The following IRGM variants were observed in gnomAD, a reference collection of about 807,000 sequenced individuals.
IRGM encodes immunity-related GTPase family M protein.
For missense variants in IRGM, 288 were observed against 219.9 expected (o/e 1.31, Z -1.96); for synonymous variants, 98 against 80.6 (o/e 1.22, Z -1.16).
At chr5:150,881,613 T>G (rs1410441515) in intron 3 of IRGM, among the ~76,000 whole-genome samples, 1 of 152,196 alleles carries the variant, frequency 6.6e-6, no homozygotes, top group Non-Finnish European at 1.5e-5. Flanking sequence ...GTGAATCACC[T>G]ATATCTTTAG....
intron 1 of IRGM, among the ~76,000 whole-genome samples, chr5:150,875,762 A>G (rs2113281879): frequency 6.6e-6 from 1 of 152,264 alleles, no homozygotes; most frequent in East Asian, 1.9e-4. Flanking sequence ...TGAGTGCCCA[A>G]TTTGCCAGCA....
chr5:150,849,599 T>C (rs1258235878), downstream of IRGM, among the ~76,000 whole-genome samples: 7 of 125,486 alleles, frequency 5.6e-5, no homozygotes, highest in East Asian at 1.3e-3. Flanking sequence ...ATTTTTCTTT[T>C]TCTCTCTTTT....
chr5:150,879,133 A>G (rs760321582), intron 2 of IRGM, among the ~76,000 whole-genome samples: 19 of 152,212 alleles, frequency 1.2e-4, no homozygotes, highest in Non-Finnish European at 2.5e-4. Context: ...GGTAGCTGAG[A>G]TGGATGTCAG....
intron 3 of IRGM, among the ~76,000 whole-genome samples, chr5:150,889,246 C>A (rs975315517): frequency 6.6e-6 from 1 of 151,986 alleles, no homozygotes; most frequent in Non-Finnish European, 1.5e-5. Flanking sequence ...TTAATGGACT[C>A]ACAGTTCCAC....
At chr5:150,885,191 C>A (rs111793005) in intron 3 of IRGM, among the ~76,000 whole-genome samples, 31,775 of 151,758 alleles carry the variant, frequency 0.21, 5,371 homozygotes, top group African/African-American at 0.45. Context: ...TTTCCCATTG[C>A]TTTTGTCAGC....
At chr5:150,893,749 TATAA>T (rs1754658051) in intron 3 of IRGM, among the ~76,000 whole-genome samples, 2 of 152,264 alleles carry the variant, frequency 1.3e-5, no homozygotes, top group Middle Eastern at 6.8e-3. Flanking sequence ...TTCAGTTCCA[TATAA>T]ATAGAGCTAA....
chr5:150,895,647 GAGA>G lies in IRGM; in HGVS notation c.*141-4939_*141-4937del, dbSNP rs1316424418. On this transcript the variant is annotated intron_variant and NMD_transcript_variant, in intron 3 of 3. Coordinates refer to the IRGM transcript ENST00000520549. ...GTGTCCCGGAAGGTGGGACTTCTGAGAGAAGGCTTTCCCACATTCAGTACATAT... is the reference window on the plus strand; with the variant it reads ...GTGTCCCGGAAGGTGGGACTTCTGAGAGGCTTTCCCACATTCAGTACATAT... The G allele has an allele frequency of 1.9e-6, 3 of 1,613,012 alleles. No homozygotes were observed. The Admixed American group carries it at 5.0e-5, about 27-fold the overall frequency.
Position 150,887,108 on chromosome 5 carries a change from A to C in IRGM, c.*140+7462A>C, listed in dbSNP as rs148584844. Among the ~76,000 whole-genome samples, 1,236 of 152,156 alleles carry C rather than the reference A, an allele frequency of 8.1e-3. 6 individuals are homozygous for C. Among genetic ancestry groups the C allele is most frequent in the Non-Finnish European group, 0.013 (867 of 67,948 alleles). On this transcript the variant is annotated intron_variant and NMD_transcript_variant, in intron 3 of 3. Transcript: ENST00000520549. Reference sequence around the variant, plus strand: ...ATTAGGTTGAGCTGGCTGAAATGACAGAAATGCAATTCAGAATATGGACAG... The same window carrying C: ...ATTAGGTTGAGCTGGCTGAAATGACCGAAATGCAATTCAGAATATGGACAG...
intron 3 of IRGM, chr5:150,896,266 A>C (rs1237644506): frequency 6.2e-7 from 1 of 1,613,760 alleles, no homozygotes; most frequent in Non-Finnish European, 8.5e-7. Context: ...GAACAATCAT[A>C]AGGTTTCTCC....
downstream of IRGM, among the ~76,000 whole-genome samples, chr5:150,851,973 T>G (rs1402745042): frequency 6.6e-6 from 1 of 152,200 alleles, no homozygotes; most frequent in Non-Finnish European, 1.5e-5. Flanking sequence ...ACATGATACA[T>G]ACAGTAACAT....
At chr5:150,882,868 G>A (rs1178730502) in intron 3 of IRGM, among the ~76,000 whole-genome samples, 1 of 152,056 alleles carries the variant, frequency 6.6e-6, no homozygotes, top group East Asian at 1.9e-4. Context: ...AGACCAAAGG[G>A]ACCTAACAGA....
chr5:150,858,438 A>G (rs1220052764), intron 1 of IRGM, among the ~76,000 whole-genome samples: 1 of 152,158 alleles, frequency 6.6e-6, no homozygotes, highest in Non-Finnish European at 1.5e-5. Flanking sequence ...TGAACTTTAA[A>G]GTAGTTTTTT....
intron 1 of IRGM, among the ~76,000 whole-genome samples, chr5:150,875,622 C>T (rs10061104): frequency 0.032 from 4,826 of 152,210 alleles, 239 homozygotes; most frequent in African/African-American, 0.11. Flanking sequence ...CAGCCTCTAT[C>T]CCCAGCCACC....
In IRGM at chr5:150,870,247, C is replaced by T. The variant is rs141956790; in HGVS notation, c.159-7733C>T. Among the ~76,000 whole-genome samples, 144 of 152,202 alleles carry T rather than the reference C, an allele frequency of 9.5e-4. 1 individual carries two copies. The highest frequency in any genetic ancestry group is 3.3e-3 in the African/African-American group (138 of 41,536). ...ACAACACATAGGTGCACATCCCTAACCTCGGCAAAATAAACTTTCTAAATT... is the reference window on the plus strand; with the variant it reads ...ACAACACATAGGTGCACATCCCTAATCTCGGCAAAATAAACTTTCTAAATT... On this transcript the variant is annotated intron_variant and NMD_transcript_variant, in intron 1 of 3. Coordinates refer to the IRGM transcript ENST00000520549.
chr5:150,895,684 T>G, intron 3 of IRGM: 2 of 1,613,528 alleles, frequency 1.2e-6, no homozygotes, highest in Non-Finnish European at 8.5e-7. Flanking sequence ...ATATAAGGTT[T>G]TTCTCCTGTG....
chr5:150,884,509 A>G (rs983522707), intron 3 of IRGM, among the ~76,000 whole-genome samples: 2 of 152,152 alleles, frequency 1.3e-5, no homozygotes, highest in Admixed American at 6.6e-5. Context: ...GCTTTCCACA[A>G]TAGTTGAACT....
chr5:150,880,651 G>A (rs988032886), intron 3 of IRGM, among the ~76,000 whole-genome samples: 1 of 152,110 alleles, frequency 6.6e-6, no homozygotes, highest in African/African-American at 2.4e-5. Context: ...GTTGTCCAGA[G>A]TATACCTTCT....
intron 2 of IRGM, among the ~76,000 whole-genome samples, chr5:150,878,430 T>G (rs548121212): frequency 1.3e-5 from 2 of 152,204 alleles, no homozygotes; most frequent in African/African-American, 4.8e-5. Context: ...CTACCCTTCT[T>G]CTCTCTTCCT....
chr5:150,865,661 C>A (rs1754197813), intron 1 of IRGM, among the ~76,000 whole-genome samples: 1 of 152,196 alleles, frequency 6.6e-6, no homozygotes, highest in Non-Finnish European at 1.5e-5. Context: ...CAGCAACCAA[C>A]AAATATTAAC....
Sources: gnomAD v4.1 joint callset for allele counts (sites outside exome capture counted in the v4.1 genomes callset) on GRCh38, gnomAD v4.1.1 for gene constraint, MANE v1.5 for transcripts, NCBI Gene and HGNC (gene_info 2026-07-23, HGNC 2026-07-21) for gene names.